The following ST7L variants were observed in gnomAD, a reference collection of about 807,000 sequenced individuals.
ST7L encodes suppressor of tumorigenicity 7 protein-like.
Under a neutral mutation model 72.5 loss-of-function variants are expected in ST7L, and 57 were observed. That is an observed-to-expected ratio of 0.79 (90% CI 0.64 to 0.98). The LOEUF is 0.98. Ranked by LOEUF, ST7L falls within the 50% of genes least tolerant of loss-of-function variation. The pLI is 0.00. For synonymous variants in ST7L, 221 were observed against 240.9 expected, an observed-to-expected ratio of 0.92 and a Z score of 0.77; for missense variants, 576 against 672.2, an observed-to-expected ratio of 0.86 and a Z score of 1.58.
intron 7 of ST7L, 128 bp from the exon 8 acceptor site, chr1:112,582,600 T>C: frequency 1.9e-6 from 1 of 528,148 alleles, no homozygotes; most frequent in East Asian, 3.0e-5. Flanking sequence ...TGTGTCAGAA[T>C]GGAAGAATAT....
intron 9 of ST7L, among the ~76,000 whole-genome samples, chr1:112,581,390 C>T (rs954950762): frequency 7.0e-6 from 1 of 142,790 alleles, no homozygotes. Flanking sequence ...CCTATGAGGG[C>T]TCCCCGTCTT....
chr1:112,566,352 C>T (rs1661042758), intron 11 of ST7L, among the ~76,000 whole-genome samples: 2 of 128,506 alleles, frequency 1.6e-5, no homozygotes, highest in Non-Finnish European at 3.1e-5. Flanking sequence ...GGCTGGAGTG[C>T]AGTGGCGTGA....
At chr1:112,545,841 A>G (rs1345177426) in intron 13 of ST7L, among the ~76,000 whole-genome samples, 1 of 152,176 alleles carries the variant, frequency 6.6e-6, no homozygotes, top group Admixed American at 6.6e-5. Context: ...GATTTCATTT[A>G]TGCCTACGAC....
At chr1:112,575,154 G>A (rs188407362) in intron 11 of ST7L, among the ~76,000 whole-genome samples, 263 of 152,258 alleles carry the variant, frequency 1.7e-3, no homozygotes, top group African/African-American at 5.4e-3. Context: ...CAGAAGAATC[G>A]CTTGAACTCT....
chr1:112,583,858 A>G (rs1664477811), intron 7 of ST7L, 114 bp downstream of exon 7: 1 of 1,196,498 alleles, frequency 8.4e-7, no homozygotes, highest in Non-Finnish European at 1.2e-6. Context: ...AGTTATTTCC[A>G]GTGAAAATTA....
At chr1:112,582,708 T>G (rs1383843406) in intron 7 of ST7L, among the ~76,000 whole-genome samples, 1 of 152,170 alleles carries the variant, frequency 6.6e-6, no homozygotes, top group African/African-American at 2.4e-5. Flanking sequence ...AAATACACAT[T>G]TAATTATTTT....
the ST7L span, chr1:112,518,395 T>G: frequency 6.6e-6 from 1 of 152,200 alleles, no homozygotes. Context: ...GTACTGTTTG[T>G]TTTCACCCAT....
intron 5 of ST7L, among the ~76,000 whole-genome samples, chr1:112,595,208 A>T (rs183413011): frequency 1.3e-3 from 192 of 151,956 alleles, no homozygotes; most frequent in African/African-American, 4.3e-3. Context: ...TCTACTAAAA[A>T]TACAAAATTA....
intron 11 of ST7L, among the ~76,000 whole-genome samples, chr1:112,558,573 G>A (rs544481689): frequency 6.6e-6 from 1 of 152,200 alleles, no homozygotes; most frequent in Admixed American, 6.5e-5. Context: ...TTCTCAAAGT[G>A]TAAGAATATA....
chr1:112,542,409 T>C (rs1656252766), intron 13 of ST7L, among the ~76,000 whole-genome samples: 2 of 152,150 alleles, frequency 1.3e-5, no homozygotes. Flanking sequence ...AATAAGTTGC[T>C]AAACCCTCTA....
chr1:112,598,477 C>T (rs534306062), intron 4 of ST7L, among the ~76,000 whole-genome samples: 34 of 150,718 alleles, frequency 2.3e-4, no homozygotes, highest in Non-Finnish European at 4.4e-4. Context: ...CAGCCAGGTG[C>T]AGTGGCTTGC....
intron 11 of ST7L, among the ~76,000 whole-genome samples, chr1:112,565,211 ATTTTTTTTTTTTTTTT>A (rs777969643): frequency 0.013 from 762 of 58,002 alleles, 17 homozygotes; most frequent in African/African-American, 0.059. Context: ...TGTTCGGCTA[ATTTTTTTTTTTTTTTT>A]TTTTTTTTTT....
At chr1:112,558,534 T>C (rs1659564685) in intron 11 of ST7L, among the ~76,000 whole-genome samples, 1 of 152,252 alleles carries the variant, frequency 6.6e-6, no homozygotes, top group Non-Finnish European at 1.5e-5. Flanking sequence ...CATCTTTAAT[T>C]ACTCTTACTC....
chr1:112,522,064 T>G (rs1158211642), downstream of ST7L: 1 of 152,228 alleles, frequency 6.6e-6, no homozygotes, highest in Non-Finnish European at 1.5e-5. Flanking sequence ...AGGGTCTCGC[T>G]TTGTTGCCCA....
intron 14 of ST7L, chr1:112,540,005 T>C: frequency 1.0e-6 from 1 of 985,400 alleles, no homozygotes; most frequent in Non-Finnish European, 1.2e-6. Context: ...TTAAAATATG[T>C]AATTATTCAT....
intron 11 of ST7L, among the ~76,000 whole-genome samples, chr1:112,570,562 TATATATATAC>T (rs1187294897): frequency 2.4e-5 from 3 of 126,866 alleles, no homozygotes; most frequent in East Asian, 4.4e-4. Context: ...TATATATATA[TATATATATAC>T]ACACACACAT....
chr1:112,534,600 AC>A (rs1490899831), intron 14 of ST7L, among the ~76,000 whole-genome samples: 2 of 152,160 alleles, frequency 1.3e-5, no homozygotes, highest in Admixed American at 6.5e-5. Flanking sequence ...GCCAAACTCC[AC>A]CAAGATAAAA....
chr1:112,614,513 T>G (rs1167141280), intron 2 of ST7L, among the ~76,000 whole-genome samples: 1 of 152,102 alleles, frequency 6.6e-6, no homozygotes, highest in Non-Finnish European at 1.5e-5. Context: ...TAGCTTCTAT[T>G]TTTTTTAGCC....
rs147482829 is a variant in ST7L, at chr1:112,618,159, A to C, written c.205+750T>G. 415 of 1,261,650 alleles carry C rather than the reference A, an allele frequency of 3.3e-4. 1 individual carries two copies. In the African/African-American group the frequency reaches 5.2e-3, roughly 16 times the overall value. The allele number at this position is 1,261,650 out of a possible 1,614,324, so 78.2% of individuals were successfully genotyped here. On this transcript the variant is annotated intron_variant, in intron 1 of 14. Transcript: ENST00000358039. The stretch of plus-strand genomic sequence containing the variant: ...TTGAGTGAAATATAATCACATGGTA[A>C]GGGGACCTGGGCCCTAAACACTTCA...
Sources: allele counts gnomAD v4.1 joint callset (sites outside exome capture counted in the v4.1 genomes callset), GRCh38; gene constraint gnomAD v4.1.1; transcripts MANE v1.5; gene names NCBI Gene and HGNC (gene_info 2026-07-23, HGNC 2026-07-21).